AFF4: variants seen among roughly 807,000 people sequenced by gnomAD.
AFF4 encodes the protein ALF transcription elongation factor 4.
AFF4 carries 13 observed loss-of-function variants against 124.8 expected under a neutral mutation model. The ratio of observed to expected loss-of-function variants is 0.10; its 90% CI spans 0.07 to 0.17. AFF4 has a LOEUF of 0.17. Among genes scored for constraint, AFF4 ranks in the 10% least tolerant of loss-of-function variants. The pLI, the probability that AFF4 is intolerant of heterozygous loss-of-function variation, is 1.00. For missense variants in AFF4, 1,092 were observed against 1,403.8 expected (o/e 0.78, Z 3.55); for synonymous variants, 477 against 496.1 (o/e 0.96, Z 0.51).
chr5:132,890,836 G>A (rs887026593), intron 13 of AFF4, among the ~76,000 whole-genome samples: 4 of 151,648 alleles, frequency 2.6e-5, no homozygotes, highest in African/African-American at 9.7e-5. Flanking sequence ...GTTAAGCACC[G>A]GATAAAACAC....
intron 5 of AFF4, among the ~76,000 whole-genome samples, chr5:132,912,403 C>G (rs1485815289): frequency 6.6e-6 from 1 of 152,116 alleles, no homozygotes; most frequent in Non-Finnish European, 1.5e-5. Context: ...CACTACCACC[C>G]AGACTGGAGT....
intron 2 of AFF4, among the ~76,000 whole-genome samples, chr5:132,935,916 C>A (rs1242287597): frequency 2.7e-5 from 4 of 150,936 alleles, no homozygotes; most frequent in African/African-American, 9.8e-5. Flanking sequence ...GAACAAGATT[C>A]CTTCTCATAA....
At position 132,937,114 on chromosome 5, in the gene AFF4, C is replaced by A; in HGVS notation, c.76G>T (p.Asp26Tyr). 1 of 1,613,990 alleles carries A rather than the reference C, an allele frequency of 6.2e-7. No individual in the cohort carries two copies. Among genetic ancestry groups the A allele is most frequent in the Non-Finnish European group, 8.5e-7 (1 of 1,179,994 alleles). Reference protein sequence around the residue: ...RRNQEIQQGEDAFPPSSPLFA... With the variant: ...RRNQEIQQGEYAFPPSSPLFA... ...AGAGGAGAGCTAGGTGGGAAGGCGT[C>A]TTCGCCCTGCTGAATTTCCTGATTC... The change falls in exon 2 of 21, where the codon GAC becomes TAC. Residue 26 changes from aspartate to tyrosine, a missense_variant. Transcript: ENST00000265343.
At chr5:132,915,114 G>T (rs111553848) in intron 5 of AFF4, among the ~76,000 whole-genome samples, 1 of 151,936 alleles carries the variant, frequency 6.6e-6, no homozygotes, top group African/African-American at 2.4e-5. Flanking sequence ...CGAGGCAGGC[G>T]GATCACGAGG....
chr5:132,935,577 C>G (rs34616660), intron 2 of AFF4, among the ~76,000 whole-genome samples: 18,057 of 152,040 alleles, frequency 0.12, 1,928 homozygotes, highest in East Asian at 0.46. Flanking sequence ...TGGAGACCAG[C>G]CTGGCCAACA....
At chr5:132,951,973 T>C (rs1016371946) in intron 1 of AFF4, among the ~76,000 whole-genome samples, 4 of 152,248 alleles carry the variant, frequency 2.6e-5, no homozygotes, top group African/African-American at 2.4e-5. Flanking sequence ...GGTTAATCCA[T>C]TGCTGTAGTT....
intron 17 of AFF4, 33 bp from the exon 18 acceptor site, chr5:132,886,436 G>A (rs1360640763): frequency 1.2e-6 from 2 of 1,600,342 alleles, no homozygotes; most frequent in Non-Finnish European, 1.7e-6. Flanking sequence ...TTATTTACCA[G>A]GACAGCAAAC....
At chr5:132,945,660 G>A (rs943915331) in intron 1 of AFF4, among the ~76,000 whole-genome samples, 14 of 152,176 alleles carry the variant, frequency 9.2e-5, no homozygotes, top group African/African-American at 3.4e-4. Flanking sequence ...GCTGAGACAG[G>A]AGAATTGCTT....
chr5:132,935,924 T>TA lies in AFF4; in HGVS notation c.124-984dup, dbSNP rs750757510. ...GACGAAAGAACAAGATTCCTTCTCATAAAAAAAAAAAAAAACTTTTGAAGA... is the reference window on the plus strand; with the variant it reads ...GACGAAAGAACAAGATTCCTTCTCATAAAAAAAAAAAAAAAACTTTTGAAGA... On this transcript the variant is annotated intron_variant, in intron 2 of 20. Transcript: ENST00000265343. Among the ~76,000 whole-genome samples the TA allele has an allele frequency of 1.7e-3, 229 of 133,740 alleles. 1 individual carries two copies. The highest frequency in any genetic ancestry group is 4.8e-3 in the South Asian group (20 of 4,158). 87.7% of individuals were successfully genotyped at this position (133,740 alleles called of 152,430 possible).
chr5:132,933,440 T>C (rs1761347228), intron 3 of AFF4, among the ~76,000 whole-genome samples: 1 of 151,278 alleles, frequency 6.6e-6, no homozygotes, highest in African/African-American at 2.4e-5. Context: ...CCAGGCATGA[T>C]GGTCATGTCT....
In AFF4 at chr5:132,911,787, G is replaced by A. The variant is rs549869943; in HGVS notation, c.1051-7383C>T. On this transcript the variant is annotated intron_variant, in intron 5 of 20. Coordinates refer to ENST00000265343, the MANE Select transcript of AFF4 (RefSeq NM_014423.4). ...ACGAGAAAGATAAAGAGAACTACAG[G>A]AGAACGTATCATAACTGAACAGATT... Among the ~76,000 whole-genome samples the A allele has an allele frequency of 4.7e-5, 7 of 148,726 alleles. No homozygotes were observed. The East Asian group carries it at 1.2e-3, about 25-fold the overall frequency.
chr5:132,924,605 G>C (rs1761126604), intron 5 of AFF4, among the ~76,000 whole-genome samples: 1 of 152,152 alleles, frequency 6.6e-6, no homozygotes, highest in Admixed American at 6.5e-5. Context: ...GTTAATCCCA[G>C]CACTTTGGGA....
In AFF4 at chr5:132,944,637, ACT is replaced by A. The variant is rs1156405552; in HGVS notation, c.-4-7446_-4-7445del. 4.6e-5 allele frequency among the ~76,000 whole-genome samples: 7 copies of A among 151,612 alleles called. No homozygotes were observed. The South Asian group carries it at 1.2e-3, about 27-fold the overall frequency. On this transcript the variant is annotated intron_variant, in intron 1 of 20. Transcript: ENST00000265343. ...ACTCCAGCCTGAGTGACAGAGTGAG[ACT>A]CTCTCTCAAAAAATTTAAAATTGGC... is the stretch of plus-strand genomic sequence containing the variant.
intron 1 of AFF4, among the ~76,000 whole-genome samples, chr5:132,955,580 C>A (rs1581339919): frequency 6.6e-6 from 1 of 151,924 alleles, no homozygotes; most frequent in East Asian, 1.9e-4. Context: ...AGTTCAAGAC[C>A]AGCCTGATCA....
chr5:132,883,150 G>A (rs979439706), intron 20 of AFF4, among the ~76,000 whole-genome samples, 190 bp downstream of exon 20: 8 of 152,208 alleles, frequency 5.3e-5, no homozygotes, highest in Non-Finnish European at 1.2e-4. Context: ...CCAGAATCAT[G>A]AGAGGTATCT....
intron 4 of AFF4, 30 bp downstream of exon 4, chr5:132,932,148 A>G (rs773643991): frequency 1.3e-6 from 2 of 1,550,098 alleles, no homozygotes; most frequent in Non-Finnish European, 1.8e-6. Context: ...AAATTAAAGA[A>G]ATTGAAATGA....
intron 1 of AFF4, among the ~76,000 whole-genome samples, chr5:132,949,895 A>G (rs1270438324): frequency 1.3e-5 from 2 of 151,258 alleles, no homozygotes; most frequent in East Asian, 1.9e-4. Context: ...AAGGTGGTGC[A>G]TGCCTGTAGT....
At chr5:132,932,436 G>C (rs1029179877) in intron 3 of AFF4, among the ~76,000 whole-genome samples, 6 of 152,142 alleles carry the variant, frequency 3.9e-5, no homozygotes, top group African/African-American at 1.4e-4. Context: ...GAACTTTATA[G>C]TTTTCAAAGG....
At chr5:132,935,133 A>T (rs1761395553) in intron 2 of AFF4, among the ~76,000 whole-genome samples, 192 bp from the exon 3 acceptor site, 1 of 152,134 alleles carries the variant, frequency 6.6e-6, no homozygotes, top group African/African-American at 2.4e-5. Flanking sequence ...AAAATCATTG[A>T]AAAGTGCCTA....
Sources: allele counts gnomAD v4.1 joint callset (sites outside exome capture counted in the v4.1 genomes callset), GRCh38; gene constraint gnomAD v4.1.1; transcripts MANE v1.5; gene names NCBI Gene and HGNC (gene_info 2026-07-23, HGNC 2026-07-21).